SUPT3H: variants seen among roughly 807,000 people sequenced by gnomAD.
The protein encoded by SUPT3H is transcription initiation protein SPT3 homolog.
Under a neutral mutation model 44.3 loss-of-function variants are expected in SUPT3H, and 44 were observed. That is an observed-to-expected ratio of 0.99 (90% confidence interval 0.78 to 1.28). The LOEUF is 1.28. SUPT3H is among the 50% of genes most tolerant of loss of function. The pLI, the probability that SUPT3H is intolerant of heterozygous loss-of-function variation, is 0.00. For synonymous variants in SUPT3H, 124 were observed against 125.6 expected (o/e 0.99, Z 0.09); for missense variants, 380 against 387.1 (o/e 0.98, Z 0.15).
At chr6:45,046,422 C>T (rs1326039411) in intron 3 of SUPT3H, among the ~76,000 whole-genome samples, 1 of 152,166 alleles carries the variant, frequency 6.6e-6, no homozygotes, top group Non-Finnish European at 1.5e-5. Flanking sequence ...CCTCCGCCTG[C>T]CAGATTCAAG....
At chr6:45,161,327 T>C (rs1455512387) in intron 2 of SUPT3H, among the ~76,000 whole-genome samples, 1 of 152,150 alleles carries the variant, frequency 6.6e-6, no homozygotes, top group African/African-American at 2.4e-5. Context: ...ACTATAAAGG[T>C]GACTCCTGAG....
At chr6:44,906,306 AAT>A (rs1283373866) in intron 10 of SUPT3H, among the ~76,000 whole-genome samples, 2 of 152,240 alleles carry the variant, frequency 1.3e-5, no homozygotes, top group African/African-American at 4.8e-5. Flanking sequence ...CAGTATATTT[AAT>A]ATGAGTAATT....
At chr6:44,952,020 G>T (rs1165784648) in intron 9 of SUPT3H, among the ~76,000 whole-genome samples, 1 of 152,114 alleles carries the variant, frequency 6.6e-6, no homozygotes, top group Non-Finnish European at 1.5e-5. Context: ...TTTGTATGTT[G>T]ACTGATAATG....
At chr6:45,266,062 A>C (rs971502270) in intron 2 of SUPT3H, among the ~76,000 whole-genome samples, 1 of 152,080 alleles carries the variant, frequency 6.6e-6, no homozygotes, top group Non-Finnish European at 1.5e-5. Context: ...ATTTTTAATC[A>C]AAAAGTAACA....
intron 2 of SUPT3H, among the ~76,000 whole-genome samples, chr6:45,120,442 G>T (rs9367218): frequency 1.5e-4 from 14 of 93,656 alleles, no homozygotes; most frequent in South Asian, 3.0e-4. Context: ...AAAAAAAAAA[G>T]ACTATATAAG....
chr6:45,221,118 C>G (rs1239695286), intron 2 of SUPT3H, among the ~76,000 whole-genome samples: 4 of 152,078 alleles, frequency 2.6e-5, no homozygotes, highest in Non-Finnish European at 5.9e-5. Flanking sequence ...CAAACTATCA[C>G]AAGGACAGAA....
At chr6:44,889,453 C>A (rs892706949) in intron 10 of SUPT3H, among the ~76,000 whole-genome samples, 1 of 152,132 alleles carries the variant, frequency 6.6e-6, no homozygotes, top group African/African-American at 2.4e-5. Flanking sequence ...TCAGAAATAA[C>A]ACCGCATATC....
At chr6:44,848,560 T>A (rs1581969182) in intron 10 of SUPT3H, among the ~76,000 whole-genome samples, 3 of 152,314 alleles carry the variant, frequency 2.0e-5, no homozygotes, top group African/African-American at 4.8e-5. Flanking sequence ...AGTATTAGAG[T>A]AATAGTCTGT....
chr6:44,935,165 G>GT (rs957982840), intron 9 of SUPT3H, among the ~76,000 whole-genome samples: 342 of 144,594 alleles, frequency 2.4e-3, no homozygotes, highest in Middle Eastern at 3.7e-3. Context: ...TATAATCCCA[G>GT]TTTTTTTTTT....
intron 10 of SUPT3H, among the ~76,000 whole-genome samples, chr6:44,903,294 A>G (rs1765418332): frequency 6.6e-6 from 1 of 152,214 alleles, no homozygotes; most frequent in East Asian, 1.9e-4. Flanking sequence ...CAAGACTAAT[A>G]AAGAAGAAAA....
chr6:45,164,514 G>C (rs1364386494), intron 2 of SUPT3H, among the ~76,000 whole-genome samples: 2 of 152,110 alleles, frequency 1.3e-5, no homozygotes, highest in African/African-American at 4.8e-5. Context: ...AGAGGTGTTA[G>C]GGAATGAGTG....
intron 2 of SUPT3H, among the ~76,000 whole-genome samples, chr6:45,266,927 A>C (rs767092944): frequency 6.6e-6 from 1 of 152,160 alleles, no homozygotes; most frequent in Non-Finnish European, 1.5e-5. Flanking sequence ...AAAATTCCAC[A>C]ACTGACCTCA....
chr6:44,958,155 A>C (rs1202910987), intron 7 of SUPT3H, among the ~76,000 whole-genome samples: 1 of 152,240 alleles, frequency 6.6e-6, no homozygotes, highest in African/African-American at 2.4e-5. Flanking sequence ...AGTTCCTAGG[A>C]TTATTAGCAT....
intron 2 of SUPT3H, among the ~76,000 whole-genome samples, chr6:45,342,294 G>A (rs780399119): frequency 5.9e-5 from 9 of 151,690 alleles, no homozygotes; most frequent in East Asian, 3.9e-4. Flanking sequence ...ACAGTGTGTC[G>A]CTCTGTCACC....
chr6:45,196,902 T>C (rs1816133810), intron 2 of SUPT3H, among the ~76,000 whole-genome samples: 1 of 151,694 alleles, frequency 6.6e-6, no homozygotes, highest in African/African-American at 2.4e-5. Context: ...TTTAAAACCC[T>C]GTCTTTATAA....
At chr6:44,892,022 A>G (rs952129646) in intron 10 of SUPT3H, among the ~76,000 whole-genome samples, 3 of 152,092 alleles carry the variant, frequency 2.0e-5, no homozygotes, top group African/African-American at 7.2e-5. Context: ...TTAATTTAGA[A>G]AGCTCATGAA....
At chr6:45,207,919 T>C (rs1269297451) in intron 2 of SUPT3H, among the ~76,000 whole-genome samples, 1 of 152,132 alleles carries the variant, frequency 6.6e-6, no homozygotes, top group Admixed American at 6.6e-5. Flanking sequence ...ACTGTTCCAG[T>C]GAAAGTTAAA....
At position 44,954,479 on chromosome 6, in the gene SUPT3H, A is replaced by C; in HGVS notation, c.693+16T>G. ...ACCAGCCAGTGTGGCCCGATATGAC[A>C]GATTAGAATTCTTACCTGTGCCACA... On this transcript the variant is annotated intron_variant, in intron 8 of 10. Coordinates refer to ENST00000371459, the MANE Select transcript of SUPT3H (RefSeq NM_003599.4). The C allele has an allele frequency of 3.8e-6, 6 of 1,581,846 alleles. No homozygotes were observed. The highest frequency in any genetic ancestry group is 5.2e-6 in the Non-Finnish European group (6 of 1,150,466).
Position 45,068,625 on chromosome 6 carries a change from T to C in SUPT3H, c.186+37297A>G, listed in dbSNP as rs536504563. 4.2e-3 allele frequency among the ~76,000 whole-genome samples: 644 copies of C among 152,286 alleles called. 7 individuals carry two copies. The highest frequency in any genetic ancestry group is 3.1e-3 in the Non-Finnish European group (209 of 68,028). ...TTTTTGGCAATCATAAGATACTGAC[T>C]AGTTTAGAATCAATGTATATATTTT... On this transcript the variant is annotated intron_variant, in intron 3 of 10. Transcript: ENST00000371459.
Sources: gnomAD v4.1 joint callset for allele counts (sites outside exome capture counted in the v4.1 genomes callset) on GRCh38, gnomAD v4.1.1 for gene constraint, MANE v1.5 for transcripts, NCBI Gene and HGNC (gene_info 2026-07-23, HGNC 2026-07-21) for gene names.